The following USH1C variants were observed in gnomAD, a reference collection of about 807,000 sequenced individuals.
USH1C encodes USH1 protein network component harmonin, also known as harmonin.
Under a neutral mutation model 119.3 loss-of-function variants are expected in USH1C, and 90 were observed. The ratio of observed to expected loss-of-function variants is 0.75; its 90% CI spans 0.64 to 0.90. The LOEUF (loss-of-function observed/expected upper bound fraction) is 0.90. Among genes scored for constraint, USH1C ranks in the 40% least tolerant of loss-of-function variants. The probability of loss-of-function intolerance (pLI) is 0.00; values close to 1 mark genes in which losing one functional copy is unlikely to be tolerated. For synonymous variants in USH1C, 465 were observed against 443.3 expected, an observed-to-expected ratio of 1.05 and a Z score of -0.62; for missense variants, 1,165 against 1,167.7, an observed-to-expected ratio of 1.00 and a Z score of 0.03.
Position 17,533,248 on chromosome 11 carries a change from C to G in USH1C, c.104+7G>C, listed in dbSNP as rs1380831735. The G allele has an allele frequency of 4.3e-6, 7 of 1,612,942 alleles. No individual in the cohort carries two copies. Among genetic ancestry groups the G allele is most frequent in the Non-Finnish European group, 5.9e-6 (7 of 1,178,956 alleles). On this transcript the variant is annotated splice_region_variant and intron_variant, in intron 2 of 26. Coordinates refer to ENST00000005226, the MANE Select transcript of USH1C (RefSeq NM_153676.4). ...TGGCCCACAAGAGCTGGACCCAGCA[C>G]ACTTACTGGTGGTACATTCGCAGCA...
chr11:17,531,635 C>A lies in USH1C; in HGVS notation c.105-93G>T. On this transcript the variant is annotated intron_variant, in intron 2 of 26. Transcript: ENST00000005226. The surrounding 1 kb of genome is among the most constrained non-coding windows in gnomAD (Gnocchi z 4.2). ...AGAGGAAGCCATTTCAGCCACTGGG[C>A]CCAGGCTTAGGAATGGAGTAGACCA... is the stretch of plus-strand genomic sequence containing the variant. 4.5e-6 allele frequency: 7 copies of A among 1,540,476 alleles called. No individual in the cohort carries two copies.
intron 15 of USH1C, among the ~76,000 whole-genome samples, chr11:17,513,027 G>T (rs775904093): frequency 1.3e-5 from 2 of 152,182 alleles, no homozygotes; most frequent in Non-Finnish European, 2.9e-5. Flanking sequence ...TTATACCAAT[G>T]ATCTCCTATG....
intron 12 of USH1C, among the ~76,000 whole-genome samples, chr11:17,522,168 T>G (rs1230855664): frequency 6.6e-6 from 1 of 152,222 alleles, no homozygotes; most frequent in Admixed American, 6.5e-5. Flanking sequence ...GTATTTGGAT[T>G]TGGATCTTGA....
At chr11:17,507,065 C>A (rs1849678937) in intron 18 of USH1C, among the ~76,000 whole-genome samples, 1 of 152,206 alleles carries the variant, frequency 6.6e-6, no homozygotes, top group Admixed American at 6.5e-5. Flanking sequence ...GTGGCAGGCA[C>A]AAGTGTCAAG....
chr11:17,501,837 C>A, intron 21 of USH1C, 102 bp downstream of exon 21: 1 of 1,383,648 alleles, frequency 7.2e-7, no homozygotes, highest in Non-Finnish European at 1.0e-6. Flanking sequence ...CCACCTCATC[C>A]CAGGACCCCA....
chr11:17,515,107 T>C (rs1850084055), intron 15 of USH1C, among the ~76,000 whole-genome samples: 1 of 151,990 alleles, frequency 6.6e-6, no homozygotes, highest in African/African-American at 2.4e-5. Flanking sequence ...AGCTGAGTTC[T>C]AGTAGAGGCA....
intron 1 of USH1C, among the ~76,000 whole-genome samples, chr11:17,543,819 G>A (rs191345332): frequency 6.6e-6 from 1 of 152,336 alleles, no homozygotes; most frequent in African/African-American, 2.4e-5. Context: ...ATGTTCTGAG[G>A]TCAAAAGGCA....
intron 1 of USH1C, among the ~76,000 whole-genome samples, chr11:17,539,290 C>T (rs1381544505): frequency 6.6e-6 from 1 of 152,124 alleles, no homozygotes; most frequent in Non-Finnish European, 1.5e-5. Context: ...TCCTGTCTCC[C>T]CACAAGCCTG....
intron 17 of USH1C, 48 bp from the exon 18 acceptor site, chr11:17,509,886 T>A (rs1193277401): frequency 6.4e-7 from 1 of 1,562,744 alleles, no homozygotes. Context: ...TGCTTAGAGC[T>A]CCACTTCACA....
chr11:17,501,810 TG>T, intron 21 of USH1C, 128 bp downstream of exon 21: 1 of 1,114,778 alleles, frequency 9.0e-7, no homozygotes, highest in Non-Finnish European at 1.3e-6. Flanking sequence ...GGGGCATCAC[TG>T]GGGCTCCTCT....
In USH1C at chr11:17,509,365, G is replaced by T. The variant is rs201586291; in HGVS notation, c.2004C>A (p.Pro668=). Residue 668 remains proline (P), a synonymous_variant, in exon 18 of 27, where the codon CCC becomes CCA. Transcript: ENST00000005226. ...AGAACAGGGACATTACCTTTGGGGTGGGTGGGAAGCTCTGTTCAGGGACAG... is the reference window on the plus strand; with the variant it reads ...AGAACAGGGACATTACCTTTGGGGTTGGTGGGAAGCTCTGTTCAGGGACAG... The part of the protein sequence containing the change: ...NSPVPEQSFP[P]TPKTFCPSPQ... The T allele has an allele frequency of 8.7e-5, 138 of 1,578,306 alleles. No homozygotes were observed. In the Admixed American group the frequency reaches 2.3e-3, roughly 26 times the overall value.
Position 17,495,650 on chromosome 11 carries a change from T to C in USH1C, c.2574A>G (p.Glu858=). 1 of 1,614,192 alleles carries C rather than the reference T, an allele frequency of 6.2e-7. No individual in the cohort carries two copies. The highest frequency in any genetic ancestry group is 8.5e-7 in the Non-Finnish European group (1 of 1,180,020). Residue 858 remains glutamate (E), a synonymous_variant, in exon 26 of 27, where the codon GAA becomes GAG. Coordinates refer to ENST00000005226, the MANE Select transcript of USH1C (RefSeq NM_153676.4). ...ELASLPSSVA[E]SPQPVRKLLE... ...GGAGCTTTCGGACCGGTTGGGGGCT[T>C]TCAGCTACGGAGGAGGGAAGAGAAG...
In USH1C at chr11:17,527,295, T is replaced by C. The variant is rs771861342; in HGVS notation, c.424A>G (p.Ile142Val). The C allele has an allele frequency of 1.9e-6, 3 of 1,612,692 alleles. No homozygotes were observed. The highest frequency in any genetic ancestry group is 1.1e-5 in the South Asian group (1 of 90,976). ...ACCTCCTCATGGGTACAGGAGGAGA[T>C]GGAATATCCATTGATCCGGACGATC... The part of the protein sequence containing the change: ...DEIVRINGYS[I>V]SSCTHEEVIN... Residue 142 changes from isoleucine (I) to valine (V), a missense_variant, in exon 5 of 27, where the codon ATC becomes GTC. Coordinates refer to ENST00000005226, the MANE Select transcript of USH1C (RefSeq NM_153676.4).
In USH1C at chr11:17,509,548, G is replaced by C. The variant is rs1849779671; in HGVS notation, c.1821C>G (p.Pro607=). 1.2e-6 allele frequency: 2 copies of C among 1,600,632 alleles called. No homozygotes were observed. Among genetic ancestry groups the C allele is most frequent in the Admixed American group, 1.7e-5 (1 of 59,588 alleles). The change falls in exon 18 of 27, where the codon CCC becomes CCG. Residue 607 remains proline (P), a synonymous_variant. Transcript: ENST00000005226. ...QRTPPPIPIP[P]PPSVPTQDLT... ...GGTCTTGGGTGGGAACGGATGGCGG[G>C]GGAGGGATGGGAATGGGGGGTGGAG...
At chr11:17,523,056 C>G in intron 11 of USH1C, 130 bp from the exon 12 acceptor site, 1 of 1,578,150 alleles carries the variant, frequency 6.3e-7, no homozygotes, top group Admixed American at 1.7e-5. Flanking sequence ...CAATCCCTGA[C>G]CCAAACTTCT....
At chr11:17,525,866 G>C (rs935001219) in intron 8 of USH1C, among the ~76,000 whole-genome samples, 1 of 152,166 alleles carries the variant, frequency 6.6e-6, no homozygotes, top group African/African-American at 2.4e-5. Flanking sequence ...GGCCCTAAAG[G>C]CCTGTCATGA....
intron 1 of USH1C, among the ~76,000 whole-genome samples, chr11:17,538,917 C>T (rs951320428): frequency 6.6e-6 from 1 of 152,206 alleles, no homozygotes; most frequent in Non-Finnish European, 1.5e-5. Context: ...CCTCTACTGG[C>T]CCCTTCAGGG....
At chr11:17,520,730 G>T in intron 14 of USH1C, 140 bp downstream of exon 14, 1 of 1,040,996 alleles carries the variant, frequency 9.6e-7, no homozygotes, top group South Asian at 1.3e-5. Flanking sequence ...GATGGTCTCT[G>T]ACCCACAGCT....
At chr11:17,508,930 T>C (rs1849751122) in intron 18 of USH1C, among the ~76,000 whole-genome samples, 2 of 152,198 alleles carry the variant, frequency 1.3e-5, no homozygotes, top group Admixed American at 6.5e-5. Flanking sequence ...CCCTCCCTTT[T>C]TTTCCCGTTA....
Sources: allele counts gnomAD v4.1 joint callset (sites outside exome capture counted in the v4.1 genomes callset), GRCh38; gene constraint gnomAD v4.1.1; non-coding constraint Gnocchi (gnomAD v3.1); transcripts MANE v1.5; gene names NCBI Gene and HGNC (gene_info 2026-07-23, HGNC 2026-07-21).